The following RUNX1 variants were observed in gnomAD, a reference collection of about 807,000 sequenced individuals.
RUNX1 encodes the protein RUNX family transcription factor 1, also known as runt-related transcription factor 1.
RUNX1 carries 19 observed loss-of-function variants against 42.8 expected under a neutral mutation model. That is an observed-to-expected ratio of 0.44 (90% CI 0.31 to 0.65). The LOEUF is 0.65. RUNX1 is among the 30% of genes least tolerant of loss of function. The probability of loss-of-function intolerance (pLI) is 0.07; values close to 1 mark genes in which losing one functional copy is unlikely to be tolerated. For synonymous variants in RUNX1, 271 were observed against 289.4 expected, an observed-to-expected ratio of 0.94 and a Z score of 0.64; for missense variants, 528 against 672.0, an observed-to-expected ratio of 0.79 and a Z score of 2.37.
At chr21:34,851,162 A>C (rs2146190797) in intron 6 of RUNX1, among the ~76,000 whole-genome samples, 1 of 152,354 alleles carries the variant, frequency 6.6e-6, no homozygotes, top group Non-Finnish European at 1.5e-5. Flanking sequence ...AGCCACTTAC[A>C]GCCAGAGAAT....
chr21:34,959,558 A>G (rs943378803), intron 2 of RUNX1, among the ~76,000 whole-genome samples: 3 of 152,206 alleles, frequency 2.0e-5, no homozygotes, highest in Admixed American at 6.5e-5. Flanking sequence ...AAGGCCCTGA[A>G]GTGCATTAAA....
intron 5 of RUNX1, among the ~76,000 whole-genome samples, chr21:34,877,792 T>C (rs1381646803): frequency 1.3e-5 from 2 of 152,176 alleles, no homozygotes; most frequent in African/African-American, 4.8e-5. Flanking sequence ...CCTCTGGCAG[T>C]TTCTATGAGG....
At chr21:34,858,808 T>C (rs774181681) in intron 6 of RUNX1, among the ~76,000 whole-genome samples, 4 of 152,154 alleles carry the variant, frequency 2.6e-5, no homozygotes, top group Non-Finnish European at 4.4e-5. Context: ...TACTCAAAGA[T>C]AGTCATTAAG....
intron 6 of RUNX1, among the ~76,000 whole-genome samples, chr21:34,857,647 C>A (rs1195603768): frequency 7.2e-5 from 11 of 152,154 alleles, no homozygotes; most frequent in Non-Finnish European, 1.5e-4. Flanking sequence ...GTTTAGTCAC[C>A]CTCAAAGTCG....
rs1057160186 is a variant in RUNX1 at position 34,907,960 on chromosome 21, C to T, written c.59-14997G>A. Among the ~76,000 whole-genome samples, 1 of 152,180 alleles carries T rather than the reference C, an allele frequency of 6.6e-6. No homozygotes were observed. Among genetic ancestry groups the T allele is most frequent in the African/African-American group, 2.4e-5 (1 of 41,438 alleles). ...CTGAAAAGTGAGTGGCTCTTCTAAG[C>T]TCCCGAAACAGTGGCTGATCTGGGA... On this transcript the variant is annotated intron_variant, in intron 2 of 8. Coordinates refer to ENST00000675419, the MANE Select transcript of RUNX1 (RefSeq NM_001754.5). The surrounding 1 kb of genome is among the most constrained non-coding windows in gnomAD (Gnocchi z 5.3).
At chr21:34,975,169 C>A (rs894373156) in intron 2 of RUNX1, among the ~76,000 whole-genome samples, 5 of 152,206 alleles carry the variant, frequency 3.3e-5, no homozygotes, top group African/African-American at 1.2e-4. Context: ...AAGACTTCCC[C>A]CTGGATCTTT....
At chr21:35,037,015 G>A (rs1000161832) in intron 2 of RUNX1, among the ~76,000 whole-genome samples, 1 of 152,124 alleles carries the variant, frequency 6.6e-6, no homozygotes, top group Non-Finnish European at 1.5e-5. Flanking sequence ...ACTGGGACAG[G>A]GCAAGAGATA....
chr21:34,985,351 G>A (rs1342650041), intron 2 of RUNX1, among the ~76,000 whole-genome samples: 1 of 152,216 alleles, frequency 6.6e-6, no homozygotes, highest in Non-Finnish European at 1.5e-5. Context: ...GTTTGTCAAA[G>A]GGTGCTTGCT....
chr21:34,887,179 C>A (rs952430796), intron 3 of RUNX1, 83 bp from the exon 4 acceptor site: 1 of 1,555,870 alleles, frequency 6.4e-7, no homozygotes. Context: ...GGGCGCGGAT[C>A]TTCAGCAAGC....
In RUNX1 at chr21:34,940,933, T is replaced by C. The variant is rs534199324; in HGVS notation, c.59-47970A>G. Reference sequence around the variant, plus strand: ...TAGGTTGCCTTCTCAATGGCAGCAATGAGCCAGTACTATTAAAATATCAGC... The same window carrying C: ...TAGGTTGCCTTCTCAATGGCAGCAACGAGCCAGTACTATTAAAATATCAGC... On this transcript the variant is annotated intron_variant, in intron 2 of 8. Coordinates refer to ENST00000675419, the MANE Select transcript of RUNX1 (RefSeq NM_001754.5). Among the ~76,000 whole-genome samples the C allele has an allele frequency of 2.6e-5, 4 of 152,342 alleles. No homozygotes were observed. The South Asian group carries it at 8.3e-4, about 32-fold the overall frequency.
chr21:34,936,898 T>G (rs1453920216), intron 2 of RUNX1, among the ~76,000 whole-genome samples: 1 of 152,034 alleles, frequency 6.6e-6, no homozygotes, highest in Non-Finnish European at 1.5e-5. Flanking sequence ...TTTATGGTGG[T>G]TTAGTGGGAA....
At chr21:34,863,550 C>CTTTTTTTTTTTT (rs34743281) in intron 5 of RUNX1, among the ~76,000 whole-genome samples, 1 of 109,134 alleles carries the variant, frequency 9.2e-6, no homozygotes, top group Non-Finnish European at 1.8e-5. Context: ...TCATGCCCAT[C>CTTTTTTTTTTTT]TTTTTTTTTT....
chr21:34,829,448 T>C (rs761086299), intron 7 of RUNX1, among the ~76,000 whole-genome samples: 57 of 152,184 alleles, frequency 3.7e-4, no homozygotes, highest in Non-Finnish European at 7.1e-4. Flanking sequence ...TCTCTCTCTC[T>C]CCCTTCTTTC....
chr21:34,906,314 C>T (rs561677311), intron 2 of RUNX1, among the ~76,000 whole-genome samples: 65 of 152,264 alleles, frequency 4.3e-4, no homozygotes, highest in African/African-American at 1.5e-3. Context: ...TTAAGTGTTG[C>T]TAGTCCGTGA....
intron 3 of RUNX1, among the ~76,000 whole-genome samples, chr21:34,892,629 G>C (rs1286377679): frequency 2.6e-5 from 4 of 152,186 alleles, no homozygotes; most frequent in Admixed American, 1.3e-4. Flanking sequence ...GGGAAGCCAA[G>C]CTCTGTTTTG....
intron 2 of RUNX1, among the ~76,000 whole-genome samples, chr21:35,032,602 G>C (rs2080943825): frequency 6.6e-6 from 1 of 152,172 alleles, no homozygotes; most frequent in African/African-American, 2.4e-5. Context: ...ATCAGCTCAT[G>C]GGCAGTAAGA....
chr21:35,039,918 T>G (rs1486165739), intron 2 of RUNX1, among the ~76,000 whole-genome samples: 1 of 152,230 alleles, frequency 6.6e-6, no homozygotes, highest in African/African-American at 2.4e-5. Context: ...ACTAGAAGCC[T>G]GAGTTTCTGT....
At chr21:34,802,013 C>G (rs1454060141) in intron 7 of RUNX1, among the ~76,000 whole-genome samples, 1 of 152,148 alleles carries the variant, frequency 6.6e-6, no homozygotes, top group East Asian at 1.9e-4. Context: ...CCAATGGTGA[C>G]AGAGCAGGAT....
At chr21:34,819,013 G>A (rs1387140022) in intron 7 of RUNX1, among the ~76,000 whole-genome samples, 2 of 152,128 alleles carry the variant, frequency 1.3e-5, no homozygotes, top group Non-Finnish European at 2.9e-5. Flanking sequence ...GATATGGGTG[G>A]TATCTGTGTG....
Sources: gnomAD v4.1 joint callset for allele counts (sites outside exome capture counted in the v4.1 genomes callset) on GRCh38, gnomAD v4.1.1 for gene constraint, Gnocchi (gnomAD v3.1) non-coding constraint, MANE v1.5 for transcripts, NCBI Gene and HGNC (gene_info 2026-07-23, HGNC 2026-07-21) for gene names.